The following TPR variants were observed in gnomAD, a reference collection of about 807,000 sequenced individuals.
TPR encodes nucleoprotein TPR.
A neutral mutation model predicts 316.1 loss-of-function variants in TPR; 51 were observed. The observed-to-expected ratio is 0.16, with a 90% CI of 0.13 to 0.20. The LOEUF (loss-of-function observed/expected upper bound fraction) is 0.20. Ranked by LOEUF, TPR falls within the 10% of genes least tolerant of loss-of-function variation. The pLI is 1.00. For synonymous variants in TPR, 981 were observed against 914.7 expected (o/e 1.07, Z -1.31); for missense variants, 2,272 against 2,754.8 (o/e 0.82, Z 3.92).
chr1:186,361,963 A>G, intron 7 of TPR, 94 bp from the exon 8 acceptor site: 2 of 1,245,776 alleles, frequency 1.6e-6, no homozygotes, highest in Non-Finnish European at 2.2e-6. Flanking sequence ...TTTGTAAAGT[A>G]AGAGCTAAAT....
chr1:186,362,751 C>T (rs923195367), intron 6 of TPR, 86 bp downstream of exon 6: 2 of 1,192,762 alleles, frequency 1.7e-6, no homozygotes, highest in Non-Finnish European at 2.3e-6. Flanking sequence ...TAATCAGGTA[C>T]ACACTACTGA....
chr1:186,368,995 T>C (rs557729448), intron 3 of TPR, among the ~76,000 whole-genome samples: 3 of 152,330 alleles, frequency 2.0e-5, no homozygotes, highest in South Asian at 4.1e-4. Context: ...CTCAACACCA[T>C]TAATGAGGAG....
rs898280659 is a variant in TPR, at chr1:186,336,350, C to T, written c.4705+146G>A. On this transcript the variant is annotated intron_variant, in intron 33 of 50. Coordinates refer to ENST00000367478, the MANE Select transcript of TPR (RefSeq NM_003292.3). ...AATTAGGATTGCTCTTTGTGTCCAA[C>T]TAATTATTCCTAATATTTAAAGCAC... 1.6e-4 allele frequency: 114 copies of T among 724,056 alleles called. No individual in the cohort carries two copies. The East Asian group carries it at 3.0e-3, about 19-fold the overall frequency. The allele number at this position is 724,056 out of a possible 1,614,324, so 44.9% of individuals were successfully genotyped here. A position where few individuals can be genotyped will look rare whatever the true frequency, so the allele number is the denominator to read the frequency against.
intron 10 of TPR, 31 bp from the exon 11 acceptor site, chr1:186,360,395 T>C: frequency 6.2e-7 from 1 of 1,606,928 alleles, no homozygotes. Flanking sequence ...CTAGTATAAT[T>C]TGTAAAATTC....
chr1:186,331,428 T>G (rs1275477737), intron 39 of TPR, 70 bp downstream of exon 39: 2 of 1,080,330 alleles, frequency 1.9e-6, no homozygotes, highest in Non-Finnish European at 2.7e-6. Flanking sequence ...CAAATAATGT[T>G]TCAATTTGTC....
At chr1:186,351,300 T>C (rs1430994567) in intron 20 of TPR, 30 bp downstream of exon 20, 1 of 1,581,042 alleles carries the variant, frequency 6.3e-7, no homozygotes. Context: ...ATAAACACCC[T>C]ACAGAAATTC....
In TPR at chr1:186,337,026, T is replaced by C. The variant is rs1334026563; in HGVS notation, c.4493A>G (p.Glu1498Gly). Reference sequence around the variant, plus strand: ...TCACACTCATACCTTCTGCAGATTCTCTACTTGACTTTCAAGTGATTTTGA... The same window carrying C: ...TCACACTCATACCTTCTGCAGATTCCCTACTTGACTTTCAAGTGATTTTGA... ...TKSKSLESQV[E>G]NLQKTLSEKE... The change falls in exon 32 of 51, where the codon GAG becomes GGG. Residue 1498 changes from glutamate (E) to glycine (G), a missense_variant. Physicochemically the swap from Glu to Gly is moderately conservative, Grantham distance 98 (BLOSUM62 -2). Transcript: ENST00000367478. 1 of 1,613,874 alleles carries C rather than the reference T, an allele frequency of 6.2e-7. No homozygotes were observed. Among genetic ancestry groups the C allele is most frequent in the Non-Finnish European group, 8.5e-7 (1 of 1,179,792 alleles).
chr1:186,314,870 C>T (rs767706921), intron 49 of TPR, 146 bp from the exon 50 acceptor site: 1 of 510,382 alleles, frequency 2.0e-6, no homozygotes, highest in Non-Finnish European at 3.3e-6. Context: ...CAATGAGGAA[C>T]ATTTAACAAA....
chr1:186,358,498 C>A, intron 13 of TPR, 45 bp downstream of exon 13: 3 of 1,428,328 alleles, frequency 2.1e-6, no homozygotes, highest in African/African-American at 2.8e-5. Context: ...GATTACTGGG[C>A]AGTCAGGTTT....
At chr1:186,349,673 A>AAAAT (rs1558019552) in intron 21 of TPR, among the ~76,000 whole-genome samples, 62 of 139,768 alleles carry the variant, frequency 4.4e-4, no homozygotes, top group South Asian at 6.8e-4. Flanking sequence ...AAAAAAAAAA[A>AAAAT]AAATAAATAA....
chr1:186,333,721 A>T (rs1658249074), intron 36 of TPR, among the ~76,000 whole-genome samples: 1 of 152,190 alleles, frequency 6.6e-6, no homozygotes, highest in Admixed American at 6.6e-5. Flanking sequence ...TTTTTAATTG[A>T]TATAACAGAT....
At chr1:186,366,801 T>C (rs1387220644) in intron 4 of TPR, among the ~76,000 whole-genome samples, 3 of 151,948 alleles carry the variant, frequency 2.0e-5, no homozygotes, top group African/African-American at 7.3e-5. Context: ...AAAGCACTAA[T>C]ATAAAAACCT....
Position 186,325,853 on chromosome 1 carries a change from C to T in TPR, c.6023G>A (p.Gly2008Asp). ...TGTACCTGGATCAGTCCCATCACCA[C>T]CCTAAAAACAAAACGTGGTAACATA... ...NDGYEADDAE[G>D]GDGTDPGTET... Residue 2008 changes from glycine to aspartate, a missense_variant and splice_region_variant, in exon 42 of 51, where the codon GGT becomes GAT. Physicochemically the swap from Gly to Asp is moderately conservative, Grantham distance 94. Transcript: ENST00000367478. The T allele has an allele frequency of 6.2e-7, 1 of 1,612,492 alleles. No individual in the cohort carries two copies. The highest frequency in any genetic ancestry group is 1.1e-5 in the South Asian group (1 of 90,812).
In TPR at chr1:186,312,477, A is replaced by G; in HGVS notation, c.*1494T>C. ...ATATGGATACTGATCAAACAGCCCTAATAATTTAAGCTTACTGATGAAAAA... is the reference window on the plus strand; with the variant it reads ...ATATGGATACTGATCAAACAGCCCTGATAATTTAAGCTTACTGATGAAAAA... On this transcript the variant is annotated 3_prime_UTR_variant, in exon 51 of 51. Coordinates refer to ENST00000367478, the MANE Select transcript of TPR (RefSeq NM_003292.3). 1 of 1,150,746 alleles carries G rather than the reference A, an allele frequency of 8.7e-7. No homozygotes were observed. The allele number at this position is 1,150,746 out of a possible 1,614,324, so 71.3% of individuals were successfully genotyped here.
Position 186,335,546 on chromosome 1 carries a change from A to G in TPR, c.4706-3T>C, listed in dbSNP as rs539145767. 8 of 1,582,042 alleles carry G rather than the reference A, an allele frequency of 5.1e-6. No individual in the cohort carries two copies. Among genetic ancestry groups the G allele is most frequent in the African/African-American group, 1.4e-5 (1 of 73,050 alleles). ...TTTAGTTAGCTGATCTTTTACACCT[A>G]AAGAAGTAACCAGGCGATTATATTA... On this transcript the variant is annotated splice_region_variant and splice_polypyrimidine_tract_variant and intron_variant, in intron 33 of 50. Coordinates refer to ENST00000367478, the MANE Select transcript of TPR (RefSeq NM_003292.3).
chr1:186,355,718 T>C lies in TPR; in HGVS notation c.1939A>G (p.Thr647Ala). ...GCAGGAGTGGAAACAGTCTGTGATG[T>C]ACTTGGACGTTTTGGAGTTGATGCA... is the stretch of plus-strand genomic sequence containing the variant. ...SLASTPKRPSTSQTVSTPAPV... is the reference protein window; with the variant it reads ...SLASTPKRPSASQTVSTPAPV... Residue 647 changes from threonine to alanine, a missense_variant, in exon 16 of 51, where the codon ACA becomes GCA. Thr to Ala is a moderately conservative substitution (Grantham distance 58). Coordinates refer to ENST00000367478, the MANE Select transcript of TPR (RefSeq NM_003292.3). The C allele has an allele frequency of 1.9e-6, 3 of 1,614,130 alleles. No individual in the cohort carries two copies. Among genetic ancestry groups the C allele is most frequent in the Non-Finnish European group, 2.5e-6 (3 of 1,180,006 alleles).
intron 19 of TPR, 105 bp from the exon 20 acceptor site, chr1:186,351,575 T>A: frequency 8.1e-7 from 1 of 1,236,736 alleles, no homozygotes; most frequent in Non-Finnish European, 1.1e-6. Context: ...CATTTCTACA[T>A]GAAGCAGCTA....
intron 27 of TPR, 27 bp downstream of exon 27, chr1:186,343,299 T>C (rs1261675080): frequency 6.9e-6 from 11 of 1,594,248 alleles, no homozygotes; most frequent in Non-Finnish European, 9.4e-6. Flanking sequence ...ATTTAACAAG[T>C]GCTTTCTTAA....
intron 39 of TPR, 30 bp downstream of exon 39, chr1:186,331,468 G>C: frequency 6.7e-7 from 1 of 1,498,750 alleles, no homozygotes. Context: ...AAAAGCAACG[G>C]TGTGGTACTT....
Sources: allele counts gnomAD v4.1 joint callset (sites outside exome capture counted in the v4.1 genomes callset), GRCh38; gene constraint gnomAD v4.1.1; transcripts MANE v1.5; gene names NCBI Gene and HGNC (gene_info 2026-07-23, HGNC 2026-07-21).